The following TMEM135 variants were observed in gnomAD, a reference collection of about 807,000 sequenced individuals.
TMEM135 encodes peroxisomal membrane protein 52.
A neutral mutation model predicts 60.3 loss-of-function variants in TMEM135; 30 were observed. The observed-to-expected ratio is 0.50, with a 90% CI of 0.37 to 0.68. TMEM135 has a LOEUF of 0.68. TMEM135 is among the 30% of genes least tolerant of loss of function. The probability of loss-of-function intolerance (pLI) is 0.00; values close to 1 mark genes in which losing one functional copy is unlikely to be tolerated. For missense variants in TMEM135, 468 were observed against 548.8 expected (o/e 0.85, Z 1.47); for synonymous variants, 190 against 186.7 (o/e 1.02, Z -0.14).
chr11:87,147,299 G>A (rs150879239), intron 4 of TMEM135, among the ~76,000 whole-genome samples: 77 of 152,194 alleles, frequency 5.1e-4, no homozygotes, highest in Admixed American at 2.0e-3. Flanking sequence ...CTCCAGCCTG[G>A]GTGACAAAGC....
At chr11:87,219,752 T>C (rs974967315) in intron 5 of TMEM135, among the ~76,000 whole-genome samples, 3 of 152,180 alleles carry the variant, frequency 2.0e-5, no homozygotes, top group Admixed American at 2.0e-4. Flanking sequence ...ACCATAAGTT[T>C]TACATGAAAT....
intron 5 of TMEM135, chr11:87,178,657 C>A: frequency 2.7e-6 from 1 of 368,604 alleles, no homozygotes; most frequent in South Asian, 2.0e-5. Context: ...AACTCCTGAC[C>A]TCAAGTGATC....
chr11:87,112,335 C>T (rs2124578), intron 4 of TMEM135, among the ~76,000 whole-genome samples: 83,486 of 151,924 alleles, frequency 0.55, 23,768 homozygotes, highest in East Asian at 0.71. Context: ...ATTTAATTTA[C>T]ATTCATTCAG....
chr11:87,171,682 A>T (rs1158471052), intron 5 of TMEM135, among the ~76,000 whole-genome samples: 1 of 152,168 alleles, frequency 6.6e-6, no homozygotes, highest in East Asian at 1.9e-4. Context: ...TATGGCTTTA[A>T]CATTTTCTGC....
intron 4 of TMEM135, among the ~76,000 whole-genome samples, chr11:87,092,946 C>G (rs1225908606): frequency 2.4e-5 from 3 of 126,980 alleles, no homozygotes; most frequent in Non-Finnish European, 3.3e-5. Context: ...TTAGCTTGAT[C>G]AGAACTCAGC....
At chr11:87,132,332 A>G (rs496671) in intron 4 of TMEM135, among the ~76,000 whole-genome samples, 72,414 of 151,884 alleles carry the variant, frequency 0.48, 17,557 homozygotes, top group East Asian at 0.67. Context: ...GGCACATAGA[A>G]AAGTTAATTA....
At chr11:87,182,104 C>T (rs1018953040) in intron 5 of TMEM135, among the ~76,000 whole-genome samples, 2 of 151,796 alleles carry the variant, frequency 1.3e-5, no homozygotes, top group African/African-American at 4.8e-5. Context: ...GTAATATCTA[C>T]TAGTATTAAA....
At chr11:87,073,218 A>G (rs1856804332) in intron 3 of TMEM135, among the ~76,000 whole-genome samples, 1 of 152,056 alleles carries the variant, frequency 6.6e-6, no homozygotes. Flanking sequence ...TATTTTTAGT[A>G]GAGACGGGGT....
intron 9 of TMEM135, among the ~76,000 whole-genome samples, chr11:87,308,760 T>C (rs1227115872): frequency 6.6e-6 from 1 of 152,194 alleles, no homozygotes; most frequent in Non-Finnish European, 1.5e-5. Context: ...TTCATCTTCC[T>C]AAATACAGAA....
chr11:87,219,950 A>G (rs1233423286), intron 5 of TMEM135, among the ~76,000 whole-genome samples: 2 of 152,212 alleles, frequency 1.3e-5, no homozygotes, highest in African/African-American at 4.8e-5. Flanking sequence ...ATAAAATTGG[A>G]TAATTTATTT....
chr11:87,134,653 T>G (rs983180323), intron 4 of TMEM135, among the ~76,000 whole-genome samples: 2 of 152,118 alleles, frequency 1.3e-5, no homozygotes, highest in African/African-American at 2.4e-5. Flanking sequence ...GGCTTATTTA[T>G]TTATTTATTT....
At chr11:87,082,625 C>T (rs373730810) in intron 3 of TMEM135, among the ~76,000 whole-genome samples, 2 of 152,116 alleles carry the variant, frequency 1.3e-5, no homozygotes, top group Non-Finnish European at 2.9e-5. Context: ...AATAGGTGGT[C>T]GTTGAAACTG....
At position 87,322,513 on chromosome 11, in the gene TMEM135, T is replaced by C. The variant is rs542719644; in HGVS notation, c.*1180T>C. The stretch of plus-strand genomic sequence containing the variant: ...GAAATATGGTCGCTATTTACAGTTT[T>C]TCAGGGAAAAGTTATACTTTTCTAT... On this transcript the variant is annotated 3_prime_UTR_variant, in exon 15 of 15. Transcript: ENST00000305494. The C allele has an allele frequency of 1.1e-5, 5 of 453,884 alleles. No individual in the cohort carries two copies. Among genetic ancestry groups the C allele is most frequent in the Admixed American group, 2.4e-5 (1 of 42,532 alleles). The allele number at this position is 453,884 out of a possible 1,614,324, so 28.1% of individuals were successfully genotyped here.
At chr11:87,223,667 GCACACACACA>G (rs113588295) in intron 5 of TMEM135, among the ~76,000 whole-genome samples, 5 of 118,376 alleles carry the variant, frequency 4.2e-5, no homozygotes, top group Admixed American at 8.5e-5. Context: ...GCACATGCAC[GCACACACACA>G]CACACACACA....
intron 5 of TMEM135, among the ~76,000 whole-genome samples, chr11:87,176,328 C>G (rs902009999): frequency 1.3e-5 from 2 of 152,090 alleles, no homozygotes; most frequent in African/African-American, 4.8e-5. Context: ...TGCCTTCTGT[C>G]ATGAAGAGAA....
intron 4 of TMEM135, among the ~76,000 whole-genome samples, chr11:87,099,959 GTGTGAGCCACCAA>G (rs1438875063): frequency 1.3e-5 from 2 of 152,032 alleles, no homozygotes; most frequent in Non-Finnish European, 2.9e-5. Flanking sequence ...GGGATTACAG[GTGTGAGCCACCAA>G]GTTTAGTTTT....
Position 87,091,351 on chromosome 11 carries a change from A to AT in TMEM135, c.363-9dup, listed in dbSNP as rs1329060642. 6.2e-7 allele frequency: 1 copy of AT among 1,610,748 alleles called. No homozygotes were observed. The highest frequency in any genetic ancestry group is 8.5e-7 in the Non-Finnish European group (1 of 1,178,208). ...TGAAGTTTAATATCTTCCTTTTAAAATTATTTGCAGGAGAGGGCTGCTCAC... is the reference window on the plus strand; with the variant it reads ...TGAAGTTTAATATCTTCCTTTTAAAATTTATTTGCAGGAGAGGGCTGCTCAC... On this transcript the variant is annotated splice_polypyrimidine_tract_variant and intron_variant, in intron 3 of 14. Coordinates refer to ENST00000305494, the MANE Select transcript of TMEM135 (RefSeq NM_022918.4).
intron 6 of TMEM135, among the ~76,000 whole-genome samples, chr11:87,245,680 CT>C (rs1941252572): frequency 7.6e-6 from 1 of 131,738 alleles, no homozygotes; most frequent in Non-Finnish European, 1.6e-5. Flanking sequence ...CAACCCCTGC[CT>C]TTTTTTGTTT....
intron 5 of TMEM135, among the ~76,000 whole-genome samples, chr11:87,193,869 A>G (rs1939873696): frequency 6.6e-6 from 1 of 151,488 alleles, no homozygotes; most frequent in African/African-American, 2.4e-5. Flanking sequence ...ATGCTAGGAT[A>G]CAGTAGATAC....
Sources: allele counts gnomAD v4.1 joint callset (sites outside exome capture counted in the v4.1 genomes callset), GRCh38; gene constraint gnomAD v4.1.1; transcripts MANE v1.5; gene names NCBI Gene and HGNC (gene_info 2026-07-23, HGNC 2026-07-21).